The following ARHGEF9 variants were observed in gnomAD, a reference collection of about 807,000 sequenced individuals.
The protein encoded by ARHGEF9 is Cdc42 guanine nucleotide exchange factor 9, also known as rho guanine nucleotide exchange factor 9.
Under a neutral mutation model 41.3 loss-of-function variants are expected in ARHGEF9, and 2 were observed. That is an observed-to-expected ratio of 0.05 (90% confidence interval 0.02 to 0.15). The LOEUF is 0.15. Ranked by LOEUF, ARHGEF9 falls within the 10% of genes least tolerant of loss-of-function variation. The pLI, the probability that ARHGEF9 is intolerant of heterozygous loss-of-function variation, is 1.00. For synonymous variants in ARHGEF9, 160 were observed against 154.4 expected (o/e 1.04, Z -0.27); for missense variants, 225 against 424.7 (o/e 0.53, Z 4.13).
intron 1 of ARHGEF9, among the ~76,000 whole-genome samples, chrX:63,738,704 C>T (rs1328654920): frequency 1.8e-5 from 2 of 111,358 alleles, no homozygotes; most frequent in African/African-American, 6.5e-5. Context: ...GCTCCCACAG[C>T]CAATCAGTGG....
At chrX:63,725,213 A>G (rs1340640884) in intron 1 of ARHGEF9, among the ~76,000 whole-genome samples, 1 of 110,442 alleles carries the variant, frequency 9.1e-6, no homozygotes, top group Non-Finnish European at 1.9e-5. Context: ...GTAACAGACC[A>G]TAACATTCCT....
intron 3 of ARHGEF9, among the ~76,000 whole-genome samples, chrX:63,703,437 T>C (rs1299500924): frequency 8.9e-6 from 1 of 112,495 alleles, no homozygotes; most frequent in East Asian, 2.8e-4. Context: ...AGAGATTAAA[T>C]CTGTTGATCT....
Position 63,656,323 on chromosome X carries a change from T to A in ARHGEF9, c.1078-586A>T, listed in dbSNP as rs1432668971. Among the ~76,000 whole-genome samples the A allele has an allele frequency of 1.9e-4, 21 of 111,724 alleles. No homozygotes were observed. The Admixed American group carries it at 2.0e-3, about 11-fold the overall frequency. On this transcript the variant is annotated intron_variant, in intron 7 of 9. Transcript: ENST00000671741. ...AAAGAAGTTCACATATCAACACAGA[T>A]GAATGTCACAAATCTTATGGAGAAA... is the stretch of plus-strand genomic sequence containing the variant.
At chrX:63,702,814 AG>A (rs2052276006) in intron 3 of ARHGEF9, among the ~76,000 whole-genome samples, 2 of 112,032 alleles carry the variant, frequency 1.8e-5, no homozygotes, top group Non-Finnish European at 3.8e-5. Context: ...TTCTCTAGTG[AG>A]GGCATATCTA....
chrX:63,645,939 T>C (rs2048023678), intron 8 of ARHGEF9, among the ~76,000 whole-genome samples: 1 of 112,245 alleles, frequency 8.9e-6, no homozygotes, highest in Non-Finnish European at 1.9e-5. Context: ...AGTGAGATGG[T>C]ACCTCATTGT....
chrX:63,723,526 A>G (rs1602571134), intron 2 of ARHGEF9, among the ~76,000 whole-genome samples: 1 of 112,176 alleles, frequency 8.9e-6, no homozygotes, highest in Non-Finnish European at 1.9e-5. Context: ...AAGGATAGTT[A>G]TAAGACACCC....
intron 1 of ARHGEF9, among the ~76,000 whole-genome samples, chrX:63,730,850 T>C (rs2054239850): frequency 8.9e-6 from 1 of 112,047 alleles, no homozygotes; most frequent in South Asian, 3.8e-4. Context: ...GTAAGCAGCA[T>C]GCCCAATGTC....
rs150150049 is a variant in ARHGEF9, at chrX:63,689,356, T to C, written c.582+7769A>G. ...AAGAGCAGCAGTGGCTACACATATA[T>C]CATACGAAACAGACTTCAGGTCAAA... On this transcript the variant is annotated intron_variant, in intron 4 of 9. Coordinates refer to ENST00000671741, the MANE Select transcript of ARHGEF9 (RefSeq NM_001353921.2). 5.3e-3 allele frequency among the ~76,000 whole-genome samples: 594 copies of C among 111,604 alleles called. 5 individuals carry two copies. Among genetic ancestry groups the C allele is most frequent in the Non-Finnish European group, 8.7e-3 (459 of 53,018 alleles).
rs1220397062 is a variant in ARHGEF9, at chrX:63,690,380, A to G, written c.582+6745T>C. 3.6e-5 allele frequency among the ~76,000 whole-genome samples: 4 copies of G among 111,500 alleles called. No homozygotes were observed. In the Admixed American group the frequency reaches 3.8e-4, roughly 11 times the overall value. Reference sequence around the variant, plus strand: ...CAACTACAGGCAAACAAATTGGAAAACCTAGAAGAAATGGATAAATTCCTG... The same window carrying G: ...CAACTACAGGCAAACAAATTGGAAAGCCTAGAAGAAATGGATAAATTCCTG... On this transcript the variant is annotated intron_variant, in intron 4 of 9. Transcript: ENST00000671741.
chrX:63,636,625 G>C lies in ARHGEF9; in HGVS notation c.*1403C>G. The C allele has an allele frequency of 3.9e-6, 1 of 258,175 alleles. No homozygotes were observed. Among genetic ancestry groups the C allele is most frequent in the Non-Finnish European group, 6.9e-6 (1 of 145,677 alleles). The allele number at this position is 258,175 out of a possible 1,213,427, so 21.3% of individuals were successfully genotyped here. A position where few individuals can be genotyped will look rare whatever the true frequency, so the allele number is the denominator to read the frequency against. On this transcript the variant is annotated 3_prime_UTR_variant, in exon 10 of 10. Coordinates refer to ENST00000671741, the MANE Select transcript of ARHGEF9 (RefSeq NM_001353921.2). ...AATACCAAAAATCCTCCTGTGCTAG[G>C]ATGGCAGGAGAAAGAAGAAAGAGAG...
Position 63,763,751 on chromosome X carries a change from A to G in ARHGEF9, c.30+21365T>C, listed in dbSNP as rs1390658474. Among the ~76,000 whole-genome samples the G allele has an allele frequency of 5.4e-5, 6 of 111,711 alleles. No homozygotes were observed. The Admixed American group carries it at 5.7e-4, about 11-fold the overall frequency. ...CACCTAGTTTCCTCATTTACAAAACAGGGGTAGGTTTTCATGAGGATTTAA... is the reference window on the plus strand; with the variant it reads ...CACCTAGTTTCCTCATTTACAAAACGGGGGTAGGTTTTCATGAGGATTTAA... On this transcript the variant is annotated intron_variant, in intron 1 of 9. Coordinates refer to ENST00000671741, the MANE Select transcript of ARHGEF9 (RefSeq NM_001353921.2).
intron 2 of ARHGEF9, chrX:63,707,270 G>A (rs2052605214): frequency 9.2e-6 from 1 of 109,090 alleles, no homozygotes; most frequent in African/African-American, 3.4e-5. Flanking sequence ...TTGGGCCAAG[G>A]TGGGCAGACA....
chrX:63,724,818 G>T, intron 1 of ARHGEF9, 107 bp from the exon 2 acceptor site: 1 of 815,472 alleles, frequency 1.2e-6, no homozygotes, highest in Non-Finnish European at 1.8e-6. Context: ...ATACTCAAGT[G>T]GTGAGAGATA....
At chrX:63,714,085 T>C (rs782080367) in intron 2 of ARHGEF9, among the ~76,000 whole-genome samples, 1 of 112,047 alleles carries the variant, frequency 8.9e-6, no homozygotes, top group South Asian at 3.8e-4. Flanking sequence ...TTTGCATTCA[T>C]GGCTTCCCAT....
At chrX:63,759,841 C>T (rs184330188) in intron 1 of ARHGEF9, among the ~76,000 whole-genome samples, 1 of 111,969 alleles carries the variant, frequency 8.9e-6, no homozygotes, top group East Asian at 2.8e-4. Flanking sequence ...AGTTAAATAA[C>T]TTGCCTAAGG....
In ARHGEF9 at chrX:63,777,222, A is replaced by T. The variant is rs1556459141; in HGVS notation, c.30+7894T>A. 2.7e-5 allele frequency among the ~76,000 whole-genome samples: 3 copies of T among 111,529 alleles called. No homozygotes were observed. The East Asian group carries it at 8.4e-4, about 31-fold the overall frequency. ...AGCAAACACATCATTATTCACATGG[A>T]GGCAGCAAGGAGAAGTGTAGAGAAA... On this transcript the variant is annotated intron_variant, in intron 1 of 9. Coordinates refer to ENST00000671741, the MANE Select transcript of ARHGEF9 (RefSeq NM_001353921.2).
intron 3 of ARHGEF9, among the ~76,000 whole-genome samples, chrX:63,698,485 T>C (rs1189924381): frequency 9.0e-6 from 1 of 111,630 alleles, no homozygotes; most frequent in Non-Finnish European, 1.9e-5. Flanking sequence ...GAGAAGAAAT[T>C]ATAGTCATTT....
chrX:63,684,426 T>C (rs1221104162), intron 4 of ARHGEF9, among the ~76,000 whole-genome samples: 1 of 111,448 alleles, frequency 9.0e-6, no homozygotes, highest in East Asian at 2.8e-4. Context: ...AGTAGGAATA[T>C]ATATTGGTAC....
Position 63,637,875 on chromosome X carries a change from TGTG to T in ARHGEF9, c.*150_*152del, listed in dbSNP as rs1556300237. ...GTGTGTGTGTGTGTGTGTGTGTGTGTGTGTGTCTGTGTGTGTGTGTGTGTATGT... is the reference window on the plus strand; with the variant it reads ...GTGTGTGTGTGTGTGTGTGTGTGTGTTGTCTGTGTGTGTGTGTGTGTATGT... On this transcript the variant is annotated 3_prime_UTR_variant, in exon 10 of 10. Transcript: ENST00000671741. 2.9e-5 allele frequency: 12 copies of T among 412,582 alleles called. No homozygotes were observed. In the African/African-American group the frequency reaches 3.1e-4, roughly 11 times the overall value. 34.0% of individuals were successfully genotyped at this position (412,582 alleles called of 1,213,427 possible).
Sources: gnomAD v4.1 joint callset for allele counts (sites outside exome capture counted in the v4.1 genomes callset) on GRCh38, gnomAD v4.1.1 for gene constraint, MANE v1.5 for transcripts, NCBI Gene and HGNC (gene_info 2026-07-23, HGNC 2026-07-21) for gene names.